Variants in ANGEL1 observed in about 807,000 individuals in gnomAD.
The protein encoded by ANGEL1 is angel homolog 1.
ANGEL1 carries 62 observed loss-of-function variants against 76.4 expected under a neutral mutation model. The observed-to-expected ratio is 0.81, with a 90% CI of 0.66 to 1.00. The LOEUF (loss-of-function observed/expected upper bound fraction) is 1.00. Among genes scored for constraint, ANGEL1 ranks in the 50% least tolerant of loss-of-function variants. ANGEL1 has a pLI of 0.00. For missense variants in ANGEL1, 737 were observed against 836.7 expected, an observed-to-expected ratio of 0.88 and a Z score of 1.47; for synonymous variants, 340 against 331.7, an observed-to-expected ratio of 1.03 and a Z score of -0.27.
intron 5 of ANGEL1, 44 bp from the exon 6 acceptor site, chr14:76,803,956 A>G: frequency 6.2e-7 from 1 of 1,614,124 alleles, no homozygotes; most frequent in Non-Finnish European, 8.5e-7. Flanking sequence ...CCAAGATAGA[A>G]AAAGGAAGTA....
rs369013927 is a variant in ANGEL1 at position 76,809,590 on chromosome 14, G to A, written c.118C>T (p.Gln40Ter). ...NVLLANSSSP[Q>*]VEGDFAMAPR... ...GCCATGGCAAAGTCGCCCTCTACCT[G>A]GGGGGATGAGCTGTTCGCCAGAAGG... The change falls in exon 2 of 10, where the codon CAG becomes TAG. Residue 40 changes from glutamine to a stop codon, truncating the protein, a stop_gained. Coordinates refer to ENST00000251089, the MANE Select transcript of ANGEL1 (RefSeq NM_015305.4). LOFTEE classifies it high-confidence loss of function. The A allele has an allele frequency of 2.1e-4, 341 of 1,614,020 alleles. No homozygotes were observed. The highest frequency in any genetic ancestry group is 2.8e-4 in the Non-Finnish European group (330 of 1,180,038).
At chr14:76,812,236 G>A (rs1055789166) in intron 1 of ANGEL1, 20 of 986,596 alleles carry the variant, frequency 2.0e-5, no homozygotes, top group Non-Finnish European at 2.3e-5. Flanking sequence ...TTGAACGTCC[G>A]TTTTTCAACC....
rs191374230 is a variant in ANGEL1, at chr14:76,796,668, T to G, written c.1619-5302A>C. ...GAAAATGTCTTCTCTGCTGTCAATG[T>G]TCGGTGTTTGATATATATGAATCAG... On this transcript the variant is annotated intron_variant, in intron 7 of 9. Coordinates refer to ENST00000251089, the MANE Select transcript of ANGEL1 (RefSeq NM_015305.4). 9.0e-4 allele frequency among the ~76,000 whole-genome samples: 137 copies of G among 152,364 alleles called. 1 individual carries two copies. Among genetic ancestry groups the G allele is most frequent in the Admixed American group, 1.6e-3 (25 of 15,308 alleles).
In ANGEL1 at chr14:76,787,758, G is replaced by A; in HGVS notation, c.*1470C>T. The A allele has an allele frequency of 6.6e-6, 1 of 152,638 alleles. No homozygotes were observed. Among genetic ancestry groups the A allele is most frequent in the Non-Finnish European group, 1.5e-5 (1 of 68,072 alleles). The allele number at this position is 152,638 out of a possible 1,614,324, so 9.5% of individuals were successfully genotyped here. On this transcript the variant is annotated 3_prime_UTR_variant, in exon 10 of 10. Coordinates refer to ENST00000251089, the MANE Select transcript of ANGEL1 (RefSeq NM_015305.4). The stretch of plus-strand genomic sequence containing the variant: ...TTCAGTCCCACTTTGGAGGTCGAGT[G>A]AGGCAAGAGCAAGTCAAATCTACCA...
rs774833429 is a variant in ANGEL1 at position 76,810,212 on chromosome 14, A to G, written c.65-569T>C. The stretch of plus-strand genomic sequence containing the variant: ...AGAGGCAGCAGGATCACTTGAGGCC[A>G]GGAGTTAGAGACCAGCCTGGGCAAC... On this transcript the variant is annotated intron_variant, in intron 1 of 9. Coordinates refer to ENST00000251089, the MANE Select transcript of ANGEL1 (RefSeq NM_015305.4). The G allele has an allele frequency of 6.6e-6, 3 of 454,766 alleles. No individual in the cohort carries two copies. In the East Asian group the frequency reaches 2.1e-4, roughly 32 times the overall value. 28.2% of individuals were successfully genotyped at this position (454,766 alleles called of 1,614,324 possible). A position where few individuals can be genotyped will look rare whatever the true frequency, so the allele number is the denominator to read the frequency against.
intron 7 of ANGEL1, among the ~76,000 whole-genome samples, chr14:76,794,788 C>A (rs1171643979): frequency 6.8e-6 from 1 of 147,942 alleles, no homozygotes; most frequent in Non-Finnish European, 1.5e-5. Flanking sequence ...TTCATTATAT[C>A]TTTTAATAAA....
chr14:76,789,151 G>A lies in ANGEL1; in HGVS notation c.*77C>T. 1.9e-6 allele frequency: 3 copies of A among 1,544,706 alleles called. No individual in the cohort carries two copies. ...TAAGTTTCTTGGATCTAAGTTTCTA[G>A]ATGCATGGGATTTTTCCACAGTCTC... is the stretch of plus-strand genomic sequence containing the variant. On this transcript the variant is annotated 3_prime_UTR_variant, in exon 10 of 10. Coordinates refer to ENST00000251089, the MANE Select transcript of ANGEL1 (RefSeq NM_015305.4).
At chr14:76,790,054 G>A (rs1396457111) in intron 9 of ANGEL1, among the ~76,000 whole-genome samples, 3 of 151,994 alleles carry the variant, frequency 2.0e-5, no homozygotes, top group African/African-American at 2.4e-5. Context: ...TAGTAGAGAC[G>A]GGGTTTCATC....
intron 9 of ANGEL1, among the ~76,000 whole-genome samples, chr14:76,789,798 G>A (rs751791379): frequency 6.7e-5 from 10 of 149,978 alleles, no homozygotes; most frequent in Admixed American, 4.0e-4. Context: ...GGGTTCAAGC[G>A]ATTCTCCTGC....
intron 8 of ANGEL1, 63 bp downstream of exon 8, chr14:76,791,234 A>T: frequency 6.4e-7 from 1 of 1,560,628 alleles, no homozygotes; most frequent in Non-Finnish European, 8.8e-7. Flanking sequence ...AACCAATGGG[A>T]ATCTCTCTCT....
At chr14:76,796,230 A>G (rs1395156368) in intron 7 of ANGEL1, among the ~76,000 whole-genome samples, 2 of 150,578 alleles carry the variant, frequency 1.3e-5, no homozygotes, top group Non-Finnish European at 3.0e-5. Context: ...TTAAATGTCC[A>G]GTTCATAGTA....
chr14:76,797,440 A>G (rs1484064231), intron 7 of ANGEL1, among the ~76,000 whole-genome samples: 1 of 152,128 alleles, frequency 6.6e-6, no homozygotes, highest in African/African-American at 2.4e-5. Context: ...CTCTACTAAG[A>G]CTACAAAAAA....
At chr14:76,796,849 T>C (rs1197638201) in intron 7 of ANGEL1, among the ~76,000 whole-genome samples, 2 of 152,262 alleles carry the variant, frequency 1.3e-5, no homozygotes, top group Admixed American at 6.5e-5. Context: ...TTTGTGATTG[T>C]TGATGCAATG....
chr14:76,797,366 G>A (rs1219743762), intron 7 of ANGEL1, among the ~76,000 whole-genome samples: 6 of 152,160 alleles, frequency 3.9e-5, no homozygotes, highest in African/African-American at 1.2e-4. Flanking sequence ...TTGGGAGGCC[G>A]AAGCCGGGGG....
At chr14:76,793,284 C>T (rs1201436641) in intron 7 of ANGEL1, among the ~76,000 whole-genome samples, 1 of 147,058 alleles carries the variant, frequency 6.8e-6, no homozygotes, top group Non-Finnish European at 1.5e-5. Context: ...GGCAATACTT[C>T]CCTAGGCAAC....
At chr14:76,804,003 C>T in intron 5 of ANGEL1, 91 bp from the exon 6 acceptor site, 1 of 1,612,346 alleles carries the variant, frequency 6.2e-7, no homozygotes, top group Non-Finnish European at 8.5e-7. Context: ...CAAATACAAA[C>T]ACATACAATC....
chr14:76,800,700 C>T (rs1208737205), intron 7 of ANGEL1, among the ~76,000 whole-genome samples: 1 of 152,206 alleles, frequency 6.6e-6, no homozygotes, highest in Non-Finnish European at 1.5e-5. Flanking sequence ...TCTGAGTGCA[C>T]TGGCTCACAC....
In ANGEL1 at chr14:76,808,100, T is replaced by G. The variant is rs968269513; in HGVS notation, c.698A>C (p.Gln233Pro). The change falls in exon 3 of 10, where the codon CAG (glutamine) becomes CCG (proline). Residue 233 changes from glutamine to proline, a missense_variant. Gln to Pro is a moderately conservative substitution (Grantham distance 76). Around this residue, in one of 2 missense-constraint regions of ANGEL1, gnomAD observed 441 missense variants for 449.5 expected, o/e 0.98. Coordinates refer to ENST00000251089, the MANE Select transcript of ANGEL1 (RefSeq NM_015305.4). ...WEDFSTQPDA[Q>P]GLKAGDGPQF... ...AGGGCCATCTCCTGCCTTCAGGCCC[T>G]GAGCATCTGGCTGGGTGGAGAAATC... The G allele has an allele frequency of 6.2e-7, 1 of 1,613,836 alleles. No individual in the cohort carries two copies. The highest frequency in any genetic ancestry group is 1.3e-5 in the African/African-American group (1 of 74,922).
At chr14:76,799,094 T>C (rs1894672953) in intron 7 of ANGEL1, among the ~76,000 whole-genome samples, 1 of 152,092 alleles carries the variant, frequency 6.6e-6, no homozygotes, top group Non-Finnish European at 1.5e-5. Flanking sequence ...GCACTGAATC[T>C]TCCTTTGTAC....
Sources: allele counts gnomAD v4.1 joint callset (sites outside exome capture counted in the v4.1 genomes callset), GRCh38; gene constraint gnomAD v4.1.1; regional missense constraint gnomAD v4.1.1; transcripts MANE v1.5; gene names NCBI Gene and HGNC (gene_info 2026-07-23, HGNC 2026-07-21).